Variants in SRPK2 observed in about 807,000 individuals in gnomAD.
The protein encoded by SRPK2 is SRSF protein kinase 2.
Under a neutral mutation model 90.8 loss-of-function variants are expected in SRPK2, and 21 were observed. The ratio of observed to expected loss-of-function variants is 0.23; its 90% confidence interval spans 0.16 to 0.33. The LOEUF (loss-of-function observed/expected upper bound fraction) is 0.33, where lower values mean the gene tolerates loss of function less well. Among genes scored for constraint, SRPK2 ranks in the 10% least tolerant of loss-of-function variants. SRPK2 has a pLI of 1.00. For synonymous variants in SRPK2, 288 were observed against 311.1 expected, an observed-to-expected ratio of 0.93 and a Z score of 0.78; for missense variants, 620 against 869.0, an observed-to-expected ratio of 0.71 and a Z score of 3.60.
upstream of SRPK2, among the ~76,000 whole-genome samples, chr7:105,390,672 C>G (rs1202922209): frequency 1.4e-5 from 2 of 141,192 alleles, no homozygotes; most frequent in Non-Finnish European, 3.0e-5. Flanking sequence ...AGGCTGGTCT[C>G]GAACTCCTGA....
chr7:105,199,899 A>C (rs1014841008), intron 3 of SRPK2, among the ~76,000 whole-genome samples: 2 of 50,304 alleles, frequency 4.0e-5, no homozygotes, highest in Non-Finnish European at 1.3e-4. Flanking sequence ...TTTAATTTAA[A>C]AAAAAAAAAA....
intron 11 of SRPK2, among the ~76,000 whole-genome samples, chr7:105,140,110 G>A (rs1803489460): frequency 6.6e-6 from 1 of 152,066 alleles, no homozygotes; most frequent in Non-Finnish European, 1.5e-5. Flanking sequence ...TGTTTAGGGA[G>A]TAATGACAAG....
intron 2 of SRPK2, among the ~76,000 whole-genome samples, chr7:105,332,106 C>T (rs56288108): frequency 0.011 from 1,637 of 152,136 alleles, 23 homozygotes; most frequent in African/African-American, 0.037. Context: ...AAAACAAGGG[C>T]GAATAATAAA....
intron 3 of SRPK2, among the ~76,000 whole-genome samples, chr7:105,197,280 T>C (rs951012526): frequency 6.6e-6 from 1 of 152,222 alleles, no homozygotes; most frequent in Admixed American, 6.5e-5. Flanking sequence ...CTAGTGTGTA[T>C]ACTTATAATA....
chr7:105,317,400 G>C (rs1413931067), intron 2 of SRPK2, among the ~76,000 whole-genome samples: 1 of 152,226 alleles, frequency 6.6e-6, no homozygotes. Context: ...GCTAAAATGG[G>C]AAGTATTCCT....
chr7:105,238,418 TCA>T (rs1176084653), intron 2 of SRPK2, among the ~76,000 whole-genome samples: 1 of 152,202 alleles, frequency 6.6e-6, no homozygotes, highest in African/African-American at 2.4e-5. Context: ...CGGCCTAGGC[TCA>T]GTTTGTAACA....
intron 2 of SRPK2, among the ~76,000 whole-genome samples, chr7:105,336,459 G>A (rs1251361119): frequency 6.6e-6 from 1 of 151,572 alleles, no homozygotes; most frequent in East Asian, 1.9e-4. Flanking sequence ...ACTCAAACAT[G>A]TATATGTACC....
chr7:105,218,722 A>T (rs2129614889), intron 2 of SRPK2, among the ~76,000 whole-genome samples: 1 of 152,338 alleles, frequency 6.6e-6, no homozygotes, highest in East Asian at 1.9e-4. Context: ...TTAAAATATA[A>T]ATAATCATAC....
rs544294242 is a variant in SRPK2 at position 105,257,830 on chromosome 7, G to A, written c.72-54045C>T. Reference sequence around the variant, plus strand: ...AAGAAATTTAAAAATAAAAAAGAATGGCCGGGTGCAGTGGCTCACACCTGT... The same window carrying A: ...AAGAAATTTAAAAATAAAAAAGAATAGCCGGGTGCAGTGGCTCACACCTGT... On this transcript the variant is annotated intron_variant, in intron 2 of 15. Transcript: ENST00000393651. 4.6e-5 allele frequency among the ~76,000 whole-genome samples: 7 copies of A among 152,236 alleles called. No individual in the cohort carries two copies. In the East Asian group the frequency reaches 1.4e-3, roughly 29 times the overall value.
intron 2 of SRPK2, among the ~76,000 whole-genome samples, chr7:105,210,043 G>A (rs1796668442): frequency 6.6e-6 from 1 of 152,102 alleles, no homozygotes; most frequent in South Asian, 2.1e-4. Flanking sequence ...CAACAACCGA[G>A]GAAACTACAA....
rs1799765123 is a variant in SRPK2, at chr7:105,117,715, C to G, written c.*123G>C. On this transcript the variant is annotated 3_prime_UTR_variant, in exon 16 of 16. Coordinates refer to ENST00000393651, the MANE Select transcript of SRPK2 (RefSeq NM_182692.3). ...AATGTCAAACAACAGTACCTCAAAG[C>G]AAAATAAAGGTCTGAGGATGAAGCC... 9.1e-7 allele frequency: 1 copy of G among 1,103,494 alleles called. No homozygotes were observed. The highest frequency in any genetic ancestry group is 2.6e-5 in the Admixed American group (1 of 38,872). 68.4% of individuals were successfully genotyped at this position (1,103,494 alleles called of 1,614,324 possible). A position where few individuals can be genotyped will look rare whatever the true frequency, so the allele number is the denominator to read the frequency against.
intron 2 of SRPK2, among the ~76,000 whole-genome samples, chr7:105,234,325 G>T (rs1799874257): frequency 6.6e-6 from 1 of 152,076 alleles, no homozygotes; most frequent in Non-Finnish European, 1.5e-5. Flanking sequence ...CAGTAAATAA[G>T]ATTTTTGAAA....
chr7:105,187,112 A>G (rs1205455861), intron 3 of SRPK2, among the ~76,000 whole-genome samples: 1 of 152,200 alleles, frequency 6.6e-6, no homozygotes, highest in Non-Finnish European at 1.5e-5. Flanking sequence ...AAGGGGTTTA[A>G]GGCTAAGTTT....
intron 2 of SRPK2, among the ~76,000 whole-genome samples, chr7:105,309,559 C>T (rs1352777041): frequency 6.6e-6 from 1 of 152,130 alleles, no homozygotes; most frequent in East Asian, 1.9e-4. Context: ...ATGCCAGAAA[C>T]CAGAACCCCA....
At chr7:105,181,343 C>T (rs1792772877) in intron 3 of SRPK2, among the ~76,000 whole-genome samples, 1 of 152,164 alleles carries the variant, frequency 6.6e-6, no homozygotes, top group African/African-American at 2.4e-5. Context: ...AGTTATCATT[C>T]GACCCAGCAA....
intron 7 of SRPK2, among the ~76,000 whole-genome samples, chr7:105,156,330 C>T (rs924369326): frequency 4.6e-5 from 7 of 152,166 alleles, no homozygotes; most frequent in Non-Finnish European, 1.0e-4. Flanking sequence ...TTGATGAAAT[C>T]AGGAAAGTAA....
intron 2 of SRPK2, chr7:105,298,613 TA>T (rs1810152123): frequency 1.7e-6 from 1 of 599,612 alleles, no homozygotes; most frequent in African/African-American, 2.0e-5. Context: ...TGGTATCTCT[TA>T]CAAAAAGGAA....
At chr7:105,258,076 C>G (rs889192693) in intron 2 of SRPK2, among the ~76,000 whole-genome samples, 1 of 151,540 alleles carries the variant, frequency 6.6e-6, no homozygotes, top group African/African-American at 2.4e-5. Flanking sequence ...TGCACTCCAT[C>G]CTGGGTGACA....
intron 2 of SRPK2, among the ~76,000 whole-genome samples, chr7:105,253,824 A>G (rs148173245): frequency 1.2e-4 from 18 of 152,292 alleles, no homozygotes; most frequent in Admixed American, 3.3e-4. Context: ...AAATATATTG[A>G]GCAACCAATC....
Sources: allele counts gnomAD v4.1 joint callset (sites outside exome capture counted in the v4.1 genomes callset), GRCh38; gene constraint gnomAD v4.1.1; transcripts MANE v1.5; gene names NCBI Gene and HGNC (gene_info 2026-07-23, HGNC 2026-07-21).